PAMR1: variants seen among roughly 807,000 people sequenced by gnomAD.
PAMR1 encodes peptidase domain containing associated with muscle regeneration 1, also known as inactive serine protease PAMR1.
PAMR1 carries 88 observed loss-of-function variants against 81.8 expected under a neutral mutation model. The ratio of observed to expected loss-of-function variants is 1.08; its 90% CI spans 0.91 to 1.28. The LOEUF (loss-of-function observed/expected upper bound fraction) is 1.28. Among genes scored for constraint, PAMR1 ranks in the 50% most tolerant of loss-of-function variants. PAMR1 has a pLI of 0.00. For missense variants in PAMR1, 935 were observed against 919.7 expected, an observed-to-expected ratio of 1.02 and a Z score of -0.21; for synonymous variants, 336 against 345.3, an observed-to-expected ratio of 0.97 and a Z score of 0.30.
chr11:35,447,321 G>A (rs1334246702), intron 6 of PAMR1, among the ~76,000 whole-genome samples: 4 of 150,714 alleles, frequency 2.7e-5, no homozygotes, highest in African/African-American at 9.8e-5. Context: ...TCCTGTCTCA[G>A]CCTCCCGAGT....
chr11:35,529,578 C>T (rs564203905), upstream of PAMR1, among the ~76,000 whole-genome samples: 1 of 152,224 alleles, frequency 6.6e-6, no homozygotes, highest in East Asian at 1.9e-4. Flanking sequence ...TTGGTTTCCT[C>T]ATCTGTTAAG....
At chr11:35,502,802 TTGA>T (rs540676596) in intron 1 of PAMR1, among the ~76,000 whole-genome samples, 47,510 of 152,096 alleles carry the variant, frequency 0.31, 7,499 homozygotes, top group African/African-American at 0.36. Context: ...CTTCAATTTG[TTGA>T]TTGTTTCCTT....
intron 4 of PAMR1, 122 bp downstream of exon 4, chr11:35,474,508 G>A (rs1187828171): frequency 7.0e-6 from 4 of 571,970 alleles, no homozygotes; most frequent in Non-Finnish European, 1.2e-5. Context: ...GAGAATCAGA[G>A]TGGTAAAGAG....
chr11:35,466,467 C>T (rs1856758092), intron 6 of PAMR1, among the ~76,000 whole-genome samples: 1 of 152,090 alleles, frequency 6.6e-6, no homozygotes, highest in Non-Finnish European at 1.5e-5. Context: ...GTGGCTCACC[C>T]CTGTAATCCC....
At chr11:35,529,237 G>A (rs568470991), upstream of PAMR1, among the ~76,000 whole-genome samples, 2 of 152,292 alleles carry the variant, frequency 1.3e-5, no homozygotes, top group South Asian at 4.2e-4. Context: ...ATTTTTGCAT[G>A]CAGGTTTTTG....
chr11:35,439,818 G>C, intron 7 of PAMR1, 125 bp from the exon 8 acceptor site: 1 of 746,290 alleles, frequency 1.3e-6, no homozygotes, highest in Non-Finnish European at 2.4e-6. Context: ...GCTCTCAGAG[G>C]CAAGACATGT....
chr11:35,464,470 G>C (rs187128881), intron 6 of PAMR1, among the ~76,000 whole-genome samples: 55 of 152,328 alleles, frequency 3.6e-4, no homozygotes, highest in Middle Eastern at 6.8e-3. Flanking sequence ...GGCCTGTCCT[G>C]TGCAGTGTAG....
At chr11:35,504,201 A>T (rs613556) in intron 1 of PAMR1, among the ~76,000 whole-genome samples, 47,544 of 151,854 alleles carry the variant, frequency 0.31, 7,520 homozygotes, top group African/African-American at 0.37. Context: ...ATTTGAATCA[A>T]CCTTGCATCC....
chr11:35,481,062 C>T (rs560322879), intron 3 of PAMR1, among the ~76,000 whole-genome samples: 1 of 152,318 alleles, frequency 6.6e-6, no homozygotes, highest in South Asian at 2.1e-4. Context: ...ACATAATATT[C>T]CATGGTATAT....
intron 6 of PAMR1, chr11:35,451,761 T>C (rs1856422488): frequency 1.1e-5 from 6 of 531,294 alleles, no homozygotes; most frequent in Non-Finnish European, 2.0e-5. Context: ...AGTAGATTAG[T>C]TCATGAGGGT....
At chr11:35,442,585 TTTTC>T (rs1349749591) in intron 6 of PAMR1, among the ~76,000 whole-genome samples, 6 of 151,900 alleles carry the variant, frequency 3.9e-5, no homozygotes, top group Non-Finnish European at 7.4e-5. Context: ...CTACTTTCTT[TTTTC>T]TTTTTTTTTC....
chr11:35,439,756 T>C (rs975813806), intron 7 of PAMR1, 63 bp from the exon 8 acceptor site: 1 of 1,400,486 alleles, frequency 7.1e-7, no homozygotes, highest in Non-Finnish European at 1.0e-6. Context: ...TATCATTCAG[T>C]TCAGATTCAT....
intron 1 of PAMR1, among the ~76,000 whole-genome samples, chr11:35,509,777 G>T (rs1851039373): frequency 6.6e-6 from 1 of 152,236 alleles, no homozygotes; most frequent in African/African-American, 2.4e-5. Flanking sequence ...CCAGGGGTAG[G>T]GAGAGGGGCA....
At chr11:35,438,276 T>C (rs539188994) in intron 8 of PAMR1, among the ~76,000 whole-genome samples, 1 of 152,276 alleles carries the variant, frequency 6.6e-6, no homozygotes, top group Non-Finnish European at 1.5e-5. Context: ...AAATCTGTAA[T>C]AAAATGGTGA....
upstream of PAMR1, among the ~76,000 whole-genome samples, chr11:35,529,297 G>A (rs1851432853): frequency 6.6e-6 from 1 of 152,140 alleles, no homozygotes; most frequent in African/African-American, 2.4e-5. Flanking sequence ...AACTTTTTTA[G>A]AATCACTAAT....
At chr11:35,465,019 G>A (rs1856731854) in intron 6 of PAMR1, among the ~76,000 whole-genome samples, 1 of 152,214 alleles carries the variant, frequency 6.6e-6, no homozygotes. Flanking sequence ...GAGTTCATCA[G>A]TGAAGCATCT....
At chr11:35,495,019 C>T (rs933209230) in intron 1 of PAMR1, among the ~76,000 whole-genome samples, 7 of 152,176 alleles carry the variant, frequency 4.6e-5, no homozygotes, top group African/African-American at 1.7e-4. Context: ...CTGCACAGAT[C>T]CATAGCGAGC....
intron 8 of PAMR1, among the ~76,000 whole-genome samples, chr11:35,439,086 A>C (rs1856108771): frequency 6.6e-6 from 1 of 151,288 alleles, no homozygotes; most frequent in South Asian, 2.1e-4. Flanking sequence ...GAAAGGGGCT[A>C]CTCCCTCCCC....
At position 35,515,790 on chromosome 11, in the gene PAMR1, G is replaced by C. The variant is rs1186686785; in HGVS notation, c.73+9723C>G. ...GGTGGATGCATGTTAAAACCAAGGA[G>C]AGAGAGCAAGTGTCAACAGACAGAT... On this transcript the variant is annotated intron_variant, in intron 1 of 10. Coordinates refer to ENST00000619888, the MANE Select transcript of PAMR1 (RefSeq NM_001001991.3). Among the ~76,000 whole-genome samples, 4 of 152,270 alleles carry C rather than the reference G, an allele frequency of 2.6e-5. No homozygotes were observed. In the East Asian group the frequency reaches 5.8e-4, roughly 22 times the overall value.
Sources: allele counts gnomAD v4.1 joint callset (sites outside exome capture counted in the v4.1 genomes callset), GRCh38; gene constraint gnomAD v4.1.1; transcripts MANE v1.5; gene names NCBI Gene and HGNC (gene_info 2026-07-23, HGNC 2026-07-21).